Variants in SLC66A2 observed in about 807,000 individuals in gnomAD.
SLC66A2 encodes solute carrier family 66 member 2.
A neutral mutation model predicts 25.5 loss-of-function variants in SLC66A2; 23 were observed. That is an observed-to-expected ratio of 0.90 (90% CI 0.65 to 1.28). The LOEUF is 1.28. SLC66A2 is among the 50% of genes most tolerant of loss of function. The pLI is 0.00. For missense variants in SLC66A2, 396 were observed against 373.1 expected (o/e 1.06, Z -0.51); for synonymous variants, 193 against 166.5 (o/e 1.16, Z -1.23).
Position 79,903,795 on chromosome 18 carries a change from C to T in SLC66A2, c.*181G>A, listed in dbSNP as rs534949857. ...GGCTGTCCCCGCTGAGCACAAACAG[C>T]GTCCCAGCCCCACCCCCACTGCCCA... On this transcript the variant is annotated 3_prime_UTR_variant, in exon 6 of 6. Coordinates refer to ENST00000397778, the MANE Select transcript of SLC66A2 (RefSeq NM_025078.5). 8.7e-5 allele frequency: 50 copies of T among 574,152 alleles called. No homozygotes were observed. The highest frequency in any genetic ancestry group is 7.9e-4 in the African/African-American group (41 of 51,954). 35.6% of individuals were successfully genotyped at this position (574,152 alleles called of 1,614,324 possible).
intron 4 of SLC66A2, among the ~76,000 whole-genome samples, chr18:79,926,874 C>A (rs1030599974): frequency 6.6e-6 from 1 of 152,170 alleles, no homozygotes; most frequent in Non-Finnish European, 1.5e-5. Flanking sequence ...AGGTTACTGA[C>A]CACAAGTGTT....
In SLC66A2 at chr18:79,941,313, G is replaced by A. The variant is rs1227041817; in HGVS notation, c.337+2016C>T. Reference sequence around the variant, plus strand: ...CTCTGCGGCCCTTGTTCACGTCTGAGGACCCCTGAGATTAGGTTACACCAC... The same window carrying A: ...CTCTGCGGCCCTTGTTCACGTCTGAAGACCCCTGAGATTAGGTTACACCAC... On this transcript the variant is annotated intron_variant, in intron 3 of 5. Coordinates refer to ENST00000397778, the MANE Select transcript of SLC66A2 (RefSeq NM_025078.5). The surrounding 1 kb of genome is among the most constrained non-coding windows in gnomAD (Gnocchi z 4.1). Among the ~76,000 whole-genome samples, 1 of 152,152 alleles carries A rather than the reference G, an allele frequency of 6.6e-6. No homozygotes were observed. The highest frequency in any genetic ancestry group is 1.5e-5 in the Non-Finnish European group (1 of 68,024).
Position 79,918,420 on chromosome 18 carries a change from C to CGG in SLC66A2, c.608+762_608+763dup, listed in dbSNP as rs141086964. Among the ~76,000 whole-genome samples the CGG allele has an allele frequency of 0.12, 13,374 of 108,570 alleles. 2,175 individuals are homozygous for CGG. The highest frequency in any genetic ancestry group is 0.32 in the East Asian group (1,152 of 3,642). 71.2% of individuals were successfully genotyped at this position (108,570 alleles called of 152,430 possible). Reference sequence around the variant, plus strand: ...GCGGATCCCCAGTGAGGAGCGGGCCCGGGGGGGGGTCCCCAGTGAGGAGCG... The same window carrying CGG: ...GCGGATCCCCAGTGAGGAGCGGGCCCGGGGGGGGGGGTCCCCAGTGAGGAGCG... On this transcript the variant is annotated intron_variant, in intron 5 of 5. Coordinates refer to ENST00000397778, the MANE Select transcript of SLC66A2 (RefSeq NM_025078.5). The surrounding 1 kb of genome is among the most constrained non-coding windows in gnomAD (Gnocchi z 4.0).
At chr18:79,947,311 G>A (rs1022554601) in intron 2 of SLC66A2, 2 of 152,278 alleles carry the variant, frequency 1.3e-5, no homozygotes, top group Admixed American at 1.3e-4. Context: ...GTGATCTGCT[G>A]AATGCTGGTT....
Position 79,942,863 on chromosome 18 carries a change from G to A in SLC66A2, c.337+466C>T, listed in dbSNP as rs567946422. Among the ~76,000 whole-genome samples, 11 of 152,310 alleles carry A rather than the reference G, an allele frequency of 7.2e-5. No individual in the cohort carries two copies. The East Asian group carries it at 7.7e-4, about 11-fold the overall frequency. On this transcript the variant is annotated intron_variant, in intron 3 of 5. Coordinates refer to ENST00000397778, the MANE Select transcript of SLC66A2 (RefSeq NM_025078.5). ...GCATAAAGGGGCTGCCTGACCCTGCGGGGGGACTCTGGGTCTGTTTAACAA... is the reference window on the plus strand; with the variant it reads ...GCATAAAGGGGCTGCCTGACCCTGCAGGGGGACTCTGGGTCTGTTTAACAA...
chr18:79,924,468 T>A (rs996880614), intron 4 of SLC66A2, among the ~76,000 whole-genome samples: 20 of 152,322 alleles, frequency 1.3e-4, no homozygotes, highest in African/African-American at 4.6e-4. Context: ...AAGGGGTTTC[T>A]TTGGGGGTGA....
chr18:79,933,756 CCA>C (rs2144881043), intron 4 of SLC66A2, among the ~76,000 whole-genome samples: 1 of 152,328 alleles, frequency 6.6e-6, no homozygotes, highest in East Asian at 1.9e-4. Context: ...CCCCATCTCC[CCA>C]CACACAGAAG....
At chr18:79,907,882 C>G (rs1982365097) in intron 5 of SLC66A2, among the ~76,000 whole-genome samples, 1 of 152,080 alleles carries the variant, frequency 6.6e-6, no homozygotes, top group South Asian at 2.1e-4. Flanking sequence ...TTCAAAGTAT[C>G]AATAGTGCTG....
rs559837470 is a variant in SLC66A2, at chr18:79,950,612, C to T, written c.203+112G>A. The T allele has an allele frequency of 2.2e-5, 22 of 1,003,252 alleles. No individual in the cohort carries two copies. In the Admixed American group the frequency reaches 4.3e-4, roughly 19 times the overall value. 62.1% of individuals were successfully genotyped at this position (1,003,252 alleles called of 1,614,324 possible). ...ACCCCATCCACGGCAGAGTGGGACG[C>T]TGGCCCAGCAGGGAGGTGTGGACCC... On this transcript the variant is annotated intron_variant, in intron 2 of 5. Transcript: ENST00000397778.
intron 4 of SLC66A2, among the ~76,000 whole-genome samples, chr18:79,922,866 T>C (rs929756527): frequency 9.8e-5 from 1 of 10,188 alleles, no homozygotes; most frequent in Non-Finnish European, 2.0e-4. Context: ...TAGGGGGGCT[T>C]GGGGGCATCA....
At chr18:79,939,658 C>T (rs937643122) in intron 3 of SLC66A2, among the ~76,000 whole-genome samples, 2 of 152,004 alleles carry the variant, frequency 1.3e-5, no homozygotes, top group Non-Finnish European at 2.9e-5. Flanking sequence ...ATTAGAGAAA[C>T]GCAAATCAAA....
In SLC66A2 at chr18:79,917,072, G is replaced by A. The variant is rs913882935; in HGVS notation, c.608+2112C>T. Among the ~76,000 whole-genome samples the A allele has an allele frequency of 8.5e-5, 13 of 152,252 alleles. No individual in the cohort carries two copies. The highest frequency in any genetic ancestry group is 2.2e-4 in the African/African-American group (9 of 41,470). On this transcript the variant is annotated intron_variant, in intron 5 of 5. Coordinates refer to ENST00000397778, the MANE Select transcript of SLC66A2 (RefSeq NM_025078.5). This position sits in a 1 kb window ranked among gnomAD's most constrained non-coding sequence, Gnocchi z 6.0. ...AAGTGAGTGAGAACAGGAAAAGCAC[G>A]TCCAATGTGTTTCTTCCACACACAG...
chr18:79,914,853 C>G (rs573619371), intron 5 of SLC66A2, among the ~76,000 whole-genome samples: 3 of 152,378 alleles, frequency 2.0e-5, no homozygotes, highest in East Asian at 3.9e-4. Flanking sequence ...GTCGCCGGCC[C>G]TAGCCCTGCA....
intron 2 of SLC66A2, among the ~76,000 whole-genome samples, chr18:79,946,282 A>C (rs906634475): frequency 3.3e-5 from 5 of 152,260 alleles, no homozygotes; most frequent in African/African-American, 1.2e-4. Flanking sequence ...GTTCCACAAA[A>C]GATGCACAAG....
At chr18:79,923,233 G>C (rs1228933963) in intron 4 of SLC66A2, among the ~76,000 whole-genome samples, 3 of 132,110 alleles carry the variant, frequency 2.3e-5, no homozygotes, top group African/African-American at 5.6e-5. Context: ...GGGTGGATGG[G>C]GGGGGGCCGT....
Position 79,918,835 on chromosome 18 carries a change from C to T in SLC66A2, c.608+349G>A, listed in dbSNP as rs1260616600. On this transcript the variant is annotated intron_variant, in intron 5 of 5. Transcript: ENST00000397778. The surrounding 1 kb of genome is among the most constrained non-coding windows in gnomAD (Gnocchi z 4.0). ...GACCACCTTCCCTGCCCCACCAGACCCGCCCTGACCCTGGGCCAGGCTGGT... is the reference window on the plus strand; with the variant it reads ...GACCACCTTCCCTGCCCCACCAGACTCGCCCTGACCCTGGGCCAGGCTGGT... Among the ~76,000 whole-genome samples, 3 of 152,224 alleles carry T rather than the reference C, an allele frequency of 2.0e-5. No individual in the cohort carries two copies. Among genetic ancestry groups the T allele is most frequent in the Non-Finnish European group, 4.4e-5 (3 of 68,050 alleles).
At position 79,940,582 on chromosome 18, in the gene SLC66A2, G is replaced by A. The variant is rs1479008189; in HGVS notation, c.337+2747C>T. The stretch of plus-strand genomic sequence containing the variant: ...AAGACAAGGCTGGCCACCTTGCTTG[G>A]CATGGGGCTGTGCTGCAGGAGCTAC... On this transcript the variant is annotated intron_variant, in intron 3 of 5. Coordinates refer to ENST00000397778, the MANE Select transcript of SLC66A2 (RefSeq NM_025078.5). The surrounding 1 kb of genome is among the most constrained non-coding windows in gnomAD (Gnocchi z 4.1). Among the ~76,000 whole-genome samples, 1 of 152,104 alleles carries A rather than the reference G, an allele frequency of 6.6e-6. No individual in the cohort carries two copies. The highest frequency in any genetic ancestry group is 2.1e-4 in the South Asian group (1 of 4,836).
chr18:79,934,058 G>A (rs1295341539), intron 3 of SLC66A2, 36 bp from the exon 4 acceptor site: 3 of 1,552,024 alleles, frequency 1.9e-6, no homozygotes, highest in East Asian at 4.5e-5. Flanking sequence ...ACAGAAAGGG[G>A]AAAAAGACAG....
At chr18:79,936,327 AC>A (rs940841705) in intron 3 of SLC66A2, among the ~76,000 whole-genome samples, 1 of 151,970 alleles carries the variant, frequency 6.6e-6, no homozygotes, top group Non-Finnish European at 1.5e-5. Context: ...ATCTCAATAA[AC>A]CCCTGAAAAT....
Sources: allele counts gnomAD v4.1 joint callset (sites outside exome capture counted in the v4.1 genomes callset), GRCh38; gene constraint gnomAD v4.1.1; non-coding constraint Gnocchi (gnomAD v3.1); transcripts MANE v1.5; gene names NCBI Gene and HGNC (gene_info 2026-07-23, HGNC 2026-07-21).